The following PTK2 variants were observed in gnomAD, a reference collection of about 807,000 sequenced individuals.
PTK2 encodes the protein focal adhesion kinase 1.
In PTK2, 45 loss-of-function variants were observed where a neutral mutation model predicts 150.1. That is an observed-to-expected ratio of 0.30 (90% CI 0.24 to 0.38). The LOEUF (loss-of-function observed/expected upper bound fraction) is 0.38, where lower values mean the gene tolerates loss of function less well. Ranked by LOEUF, PTK2 falls within the 10% of genes least tolerant of loss-of-function variation. The pLI is 1.00. For synonymous variants in PTK2, 432 were observed against 449.2 expected (o/e 0.96, Z 0.48); for missense variants, 919 against 1,307.3 (o/e 0.70, Z 4.58).
intron 1 of PTK2, among the ~76,000 whole-genome samples, chr8:140,978,840 CAG>C (rs1242280658): frequency 1.3e-5 from 2 of 151,844 alleles, no homozygotes; most frequent in African/African-American, 4.8e-5. Flanking sequence ...TTCACAACAG[CAG>C]AGACTTGGAA....
chr8:140,828,168 CAAAAAAAA>C (rs201599904), intron 8 of PTK2, among the ~76,000 whole-genome samples: 1 of 65,412 alleles, frequency 1.5e-5, no homozygotes, highest in African/African-American at 4.7e-5. Flanking sequence ...TCTGTCTCAA[CAAAAAAAA>C]AAAAAAAGAG....
intron 1 of PTK2, among the ~76,000 whole-genome samples, chr8:140,982,055 CCAACT>C (rs752287264): frequency 1.9e-5 from 2 of 106,238 alleles, no homozygotes; most frequent in Non-Finnish European, 3.9e-5. Context: ...CCACGCTTCA[CCAACT>C]CAATAAAAAA....
intron 22 of PTK2, among the ~76,000 whole-genome samples, chr8:140,728,458 C>G (rs929099916): frequency 6.6e-6 from 1 of 152,170 alleles, no homozygotes; most frequent in Non-Finnish European, 1.5e-5. Context: ...TTACTACTAC[C>G]TACTTCTAAA....
chr8:140,811,453 C>T (rs892644744), intron 10 of PTK2, among the ~76,000 whole-genome samples: 3 of 152,158 alleles, frequency 2.0e-5, no homozygotes, highest in African/African-American at 4.8e-5. Flanking sequence ...AACGTTGGCC[C>T]AAAAGATGGA....
At chr8:140,818,146 A>C in intron 10 of PTK2, 131 bp downstream of exon 10, 1 of 784,326 alleles carries the variant, frequency 1.3e-6, no homozygotes, top group Non-Finnish European at 2.1e-6. Flanking sequence ...CCCCCACTCC[A>C]CTGAACAATA....
rs7812725 is a variant in PTK2 at position 140,693,064 on chromosome 8, A to T, written c.2500-6370T>A. On this transcript the variant is annotated intron_variant, in intron 26 of 31. Transcript: ENST00000522684. ...AGAAAATTATTGTGCATGCAGTAAT[A>T]AAAAAAAAAAGCAAGTTGCAAAGTT... Among the ~76,000 whole-genome samples, 1,336 of 145,746 alleles carry T rather than the reference A, an allele frequency of 9.2e-3. 15 individuals carry two copies. The highest frequency in any genetic ancestry group is 0.032 in the African/African-American group (1,285 of 40,042).
At chr8:140,791,341 T>C (rs2100088305) in intron 13 of PTK2, among the ~76,000 whole-genome samples, 1 of 152,174 alleles carries the variant, frequency 6.6e-6, no homozygotes, top group South Asian at 2.1e-4. Context: ...ATTGCCCAGC[T>C]TTGATTTTAA....
intron 11 of PTK2, among the ~76,000 whole-genome samples, chr8:140,802,044 T>C (rs1490628627): frequency 1.3e-5 from 2 of 152,010 alleles, no homozygotes; most frequent in Non-Finnish European, 2.9e-5. Flanking sequence ...TTTATGTATT[T>C]ACTATTTTTT....
chr8:140,734,040 C>T (rs2100051123), intron 22 of PTK2, among the ~76,000 whole-genome samples: 1 of 152,184 alleles, frequency 6.6e-6, no homozygotes, highest in Non-Finnish European at 1.5e-5. Context: ...ATCCTTTGTG[C>T]TTCTACCTAT....
chr8:140,831,287 C>T (rs1221097832), intron 7 of PTK2, among the ~76,000 whole-genome samples: 3 of 152,118 alleles, frequency 2.0e-5, no homozygotes, highest in East Asian at 1.9e-4. Flanking sequence ...AGGTGTCACT[C>T]GTGTGCTAGC....
At chr8:140,814,765 T>C (rs1026851412) in intron 10 of PTK2, among the ~76,000 whole-genome samples, 4 of 151,844 alleles carry the variant, frequency 2.6e-5, no homozygotes, top group Non-Finnish European at 4.4e-5. Context: ...CCCAAAGGAA[T>C]ATAAATTGTT....
At chr8:140,716,876 C>A (rs1278488465) in intron 23 of PTK2, among the ~76,000 whole-genome samples, 1 of 152,152 alleles carries the variant, frequency 6.6e-6, no homozygotes. Flanking sequence ...GTGAAAATAG[C>A]ATCCTGTCAA....
rs1415034272 is a variant in PTK2, at chr8:140,782,041, G to A, written c.1177+7433C>T. ...CATATGAAGTCAGTGACAACTGTAC[G>A]CTTCTCAGTGGTTTGGAGTCTCTCC... On this transcript the variant is annotated intron_variant, in intron 14 of 31. Transcript: ENST00000522684. 1.4e-4 allele frequency among the ~76,000 whole-genome samples: 22 copies of A among 152,062 alleles called. 1 individual carries two copies. Among genetic ancestry groups the A allele is most frequent in the Admixed American group, 1.4e-3 (22 of 15,268 alleles).
chr8:140,696,526 T>C (rs1047799785), intron 26 of PTK2, among the ~76,000 whole-genome samples: 5 of 152,244 alleles, frequency 3.3e-5, no homozygotes, highest in African/African-American at 1.2e-4. Flanking sequence ...GACAGCCTCC[T>C]ACAACAAAGA....
chr8:140,846,618 A>G (rs2100125644), exon 6 of PTK2: 1 of 1,611,332 alleles, frequency 6.2e-7, no homozygotes, highest in South Asian at 1.1e-5. Context: ...AGACAACCCA[A>G]CTTCAAAGCA....
intron 26 of PTK2, among the ~76,000 whole-genome samples, chr8:140,700,605 T>A (rs555594530): frequency 6.8e-4 from 103 of 151,716 alleles, no homozygotes; most frequent in African/African-American, 2.4e-3. Context: ...TGCCTCAGCC[T>A]CCCAAGTAGC....
At chr8:140,744,618 A>G (rs753191186) in intron 19 of PTK2, 34 bp downstream of exon 22, 1 of 1,371,232 alleles carries the variant, frequency 7.3e-7, no homozygotes, top group Non-Finnish European at 1.0e-6. Context: ...TACTTTTCAG[A>G]AGGGAACTTA....
intron 4 of PTK2, among the ~76,000 whole-genome samples, chr8:140,868,923 A>G (rs964162189): frequency 6.6e-6 from 1 of 152,188 alleles, no homozygotes; most frequent in Non-Finnish European, 1.5e-5. Flanking sequence ...ATTTGTTACT[A>G]GGACTGTATC....
chr8:140,710,457 T>A (rs2100036187), intron 23 of PTK2, among the ~76,000 whole-genome samples: 1 of 151,832 alleles, frequency 6.6e-6, no homozygotes, highest in African/African-American at 2.4e-5. Context: ...TCACCTGAGG[T>A]CAGGAGTTTG....
Sources: gnomAD v4.1 joint callset for allele counts (sites outside exome capture counted in the v4.1 genomes callset) on GRCh38, gnomAD v4.1.1 for gene constraint, MANE v1.5 for transcripts, NCBI Gene and HGNC (gene_info 2026-07-23, HGNC 2026-07-21) for gene names.